Variants in LRPPRC observed in about 807,000 individuals in gnomAD.
LRPPRC encodes leucine rich pentatricopeptide repeat containing.
In LRPPRC, 120 loss-of-function variants were observed where a neutral mutation model predicts 180.3. The ratio of observed to expected loss-of-function variants is 0.67; its 90% CI spans 0.57 to 0.77. The LOEUF (loss-of-function observed/expected upper bound fraction) is 0.77. Ranked by LOEUF, LRPPRC falls within the 30% of genes least tolerant of loss-of-function variation. LRPPRC has a pLI of 0.00. For missense variants in LRPPRC, 2,012 were observed against 1,657.2 expected, an observed-to-expected ratio of 1.21 and a Z score of -3.72; for synonymous variants, 723 against 600.0, an observed-to-expected ratio of 1.21 and a Z score of -3.00.
Position 43,924,958 on chromosome 2 carries a change from A to C in LRPPRC, c.2896+109T>G, listed in dbSNP as rs548465800. On this transcript the variant is annotated intron_variant, in intron 27 of 37. Coordinates refer to ENST00000260665, the MANE Select transcript of LRPPRC (RefSeq NM_133259.4). ...CCTCTACCTGAGCCTCTGTTGAATG[A>C]AAACTGCCTTCTGACAATCCCTGGA... 10 of 757,212 alleles carry C rather than the reference A, an allele frequency of 1.3e-5. No homozygotes were observed. The African/African-American group carries it at 1.4e-4, about 10-fold the overall frequency. The allele number at this position is 757,212 out of a possible 1,614,324, so 46.9% of individuals were successfully genotyped here. A position where few individuals can be genotyped will look rare whatever the true frequency, so the allele number is the denominator to read the frequency against.
At chr2:43,992,292 CCA>C (rs146772097) in intron 1 of LRPPRC, among the ~76,000 whole-genome samples, 5,697 of 152,262 alleles carry the variant, frequency 0.037, 165 homozygotes, top group Non-Finnish European at 0.062. Context: ...CCTTACAGAT[CCA>C]CAGACAAGCA....
At chr2:43,949,894 A>T (rs1304226190) in intron 15 of LRPPRC, among the ~76,000 whole-genome samples, 1 of 152,246 alleles carries the variant, frequency 6.6e-6, no homozygotes, top group Non-Finnish European at 1.5e-5. Context: ...TGTTTTGTGA[A>T]ATGTCACACA....
In LRPPRC at chr2:43,899,339, A is replaced by G. The variant is rs1471917250; in HGVS notation, c.3710-5T>C. The G allele has an allele frequency of 6.2e-7, 1 of 1,610,976 alleles. No homozygotes were observed. The highest frequency in any genetic ancestry group is 8.5e-7 in the Non-Finnish European group (1 of 1,177,200). ...ATCTCTCCGCCATGATGCTTACTGG[A>G]AAAATGACAGGTAAGAAAAATCTTT... is the stretch of plus-strand genomic sequence containing the variant. On this transcript the variant is annotated splice_region_variant and splice_polypyrimidine_tract_variant and intron_variant, in intron 33 of 37. Transcript: ENST00000260665.
At chr2:43,990,928 C>T (rs1047260334) in intron 1 of LRPPRC, among the ~76,000 whole-genome samples, 1 of 151,866 alleles carries the variant, frequency 6.6e-6, no homozygotes, top group Admixed American at 6.6e-5. Flanking sequence ...TCACTGCAAC[C>T]TCCACCTCCC....
At position 43,974,140 on chromosome 2, in the gene LRPPRC, G is replaced by C. The variant is rs1673944155; in HGVS notation, c.1155+10C>G. 1 of 1,612,216 alleles carries C rather than the reference G, an allele frequency of 6.2e-7. No homozygotes were observed. Among genetic ancestry groups the C allele is most frequent in the East Asian group, 2.2e-5 (1 of 44,872 alleles). ...TTACATTGTCTACAAAGTAAAAGTG[G>C]ACAGAATACCGTATTCATAGTCACA... On this transcript the variant is annotated intron_variant, in intron 9 of 37. Transcript: ENST00000260665.
intron 25 of LRPPRC, among the ~76,000 whole-genome samples, chr2:43,929,447 A>G (rs1305777659): frequency 6.6e-6 from 1 of 152,184 alleles, no homozygotes; most frequent in Non-Finnish European, 1.5e-5. Context: ...AGATTTGTAT[A>G]CGTTTTATGG....
upstream of LRPPRC, chr2:43,995,993 A>G (rs749078481): frequency 3.6e-5 from 55 of 1,519,062 alleles, no homozygotes; most frequent in Non-Finnish European, 9.7e-6. Context: ...CCAGAAGGAC[A>G]GGAGGAGCAT....
intron 6 of LRPPRC, 100 bp from the exon 7 acceptor site, chr2:43,975,317 A>G: frequency 1.0e-6 from 1 of 959,920 alleles, no homozygotes; most frequent in Non-Finnish European, 1.6e-6. Flanking sequence ...AATGCTAAGT[A>G]CCATTTGGAA....
chr2:43,894,613 G>T lies in LRPPRC; in HGVS notation c.3917C>A (p.Ser1306Tyr). Residue 1306 changes from serine (S) to tyrosine (Y), a missense_variant, in exon 36 of 38, where the codon TCT (serine) becomes TAT (tyrosine). Coordinates refer to ENST00000260665, the MANE Select transcript of LRPPRC (RefSeq NM_133259.4). ...RKQGKASTVKSVLELIPELNE... is the reference protein window; with the variant it reads ...RKQGKASTVKYVLELIPELNE... ...TAATTCAGGAATCAATTCTAACACA[G>T]ATTTCACAGTTGATGCCTAGGAAAT... 1 of 1,568,142 alleles carries T rather than the reference G, an allele frequency of 6.4e-7. No individual in the cohort carries two copies. The highest frequency in any genetic ancestry group is 8.8e-7 in the Non-Finnish European group (1 of 1,138,576).
At position 43,946,240 on chromosome 2, in the gene LRPPRC, T is replaced by A. The variant is rs564682650; in HGVS notation, c.2083A>T (p.Met695Leu). The change falls in exon 21 of 38, where the codon ATG (methionine) becomes TTG (leucine). Residue 695 changes from methionine (M) to leucine (L), a missense_variant. Coordinates refer to ENST00000260665, the MANE Select transcript of LRPPRC (RefSeq NM_133259.4). ...GCTTTCAATTCAAGGGCTTTTTGCA[T>A]ATTCTAAAATACAGCATAGATGTGA... ...LILVLCSEEN[M>L]QKALELKAKY... 1 of 1,609,788 alleles carries A rather than the reference T, an allele frequency of 6.2e-7. No homozygotes were observed. The highest frequency in any genetic ancestry group is 8.5e-7 in the Non-Finnish European group (1 of 1,176,402).
chr2:43,891,965 A>T lies in LRPPRC; in HGVS notation c.3986-2089T>A, dbSNP rs535860781. On this transcript the variant is annotated intron_variant, in intron 36 of 37. Coordinates refer to ENST00000260665, the MANE Select transcript of LRPPRC (RefSeq NM_133259.4). Reference sequence around the variant, plus strand: ...CACAGCCTTACTAGTGACATGGAGAAAGTTTTATTGGTCCGGATAGAAGAT... The same window carrying T: ...CACAGCCTTACTAGTGACATGGAGATAGTTTTATTGGTCCGGATAGAAGAT... 2.0e-5 allele frequency among the ~76,000 whole-genome samples: 3 copies of T among 152,378 alleles called. No homozygotes were observed. In the East Asian group the frequency reaches 5.8e-4, roughly 29 times the overall value.
rs761146308 is a variant in LRPPRC at position 43,918,322 on chromosome 2, C to A, written c.2973G>T (p.Lys991Asn). 6.2e-7 allele frequency: 1 copy of A among 1,609,672 alleles called. No homozygotes were observed. Among genetic ancestry groups the A allele is most frequent in the Non-Finnish European group, 8.5e-7 (1 of 1,176,006 alleles). The change falls in exon 28 of 38, where the codon AAG (lysine) becomes AAT (asparagine). Residue 991 changes from lysine (K) to asparagine (N), a missense_variant. Coordinates refer to ENST00000260665, the MANE Select transcript of LRPPRC (RefSeq NM_133259.4). ...IQEENVIPRE[K>N]TLRLLAEILR... ...GGATTTCTGCTAATAATCTTAATGTCTTTTCACGAGGAATAACATTTTCTT... is the reference window on the plus strand; with the variant it reads ...GGATTTCTGCTAATAATCTTAATGTATTTTCACGAGGAATAACATTTTCTT...
At chr2:43,934,899 C>T (rs1413246805) in intron 23 of LRPPRC, 21 bp from the exon 24 acceptor site, 5 of 1,607,094 alleles carry the variant, frequency 3.1e-6, no homozygotes, top group Non-Finnish European at 3.4e-6. Context: ...AAAAAATTAG[C>T]AATGAATAAA....
chr2:43,908,446 CTTATT>C (rs1671137408), intron 30 of LRPPRC, among the ~76,000 whole-genome samples: 1 of 152,054 alleles, frequency 6.6e-6, no homozygotes. Flanking sequence ...TTGAAGAAAT[CTTATT>C]AGAGGTCAAG....
chr2:43,979,956 A>G lies in LRPPRC; in HGVS notation c.347-8T>C. The G allele has an allele frequency of 6.2e-7, 1 of 1,613,418 alleles. No individual in the cohort carries two copies. ...GACTACCACCTAGGCCACCTGTGGA[A>G]AAAAGGTTAATGGATAACATTTAAC... On this transcript the variant is annotated splice_polypyrimidine_tract_variant and splice_region_variant and intron_variant, in intron 2 of 37. Transcript: ENST00000260665.
At chr2:43,960,197 G>T (rs1368553919) in intron 13 of LRPPRC, among the ~76,000 whole-genome samples, 1 of 152,160 alleles carries the variant, frequency 6.6e-6, no homozygotes, top group East Asian at 1.9e-4. Flanking sequence ...ACTCCCCCAA[G>T]TTAGGTAGTA....
At chr2:43,980,690 C>G (rs1215931717) in intron 2 of LRPPRC, among the ~76,000 whole-genome samples, 1 of 152,114 alleles carries the variant, frequency 6.6e-6, no homozygotes, top group Non-Finnish European at 1.5e-5. Flanking sequence ...TTCCCTCTCC[C>G]TATATCTGTA....
intron 11 of LRPPRC, among the ~76,000 whole-genome samples, chr2:43,965,510 A>G (rs1420066290): frequency 6.6e-6 from 1 of 152,238 alleles, no homozygotes; most frequent in East Asian, 1.9e-4. Flanking sequence ...ACAAACAGTG[A>G]AGTGGAACCA....
intron 30 of LRPPRC, among the ~76,000 whole-genome samples, chr2:43,908,685 C>T (rs1671148697): frequency 6.6e-6 from 1 of 152,066 alleles, no homozygotes; most frequent in Admixed American, 6.6e-5. Flanking sequence ...ACCACCACGC[C>T]TGACTAATTT....
Sources: allele counts gnomAD v4.1 joint callset (sites outside exome capture counted in the v4.1 genomes callset), GRCh38; gene constraint gnomAD v4.1.1; transcripts MANE v1.5; gene names NCBI Gene and HGNC (gene_info 2026-07-23, HGNC 2026-07-21).